Variants in MAPK15 observed in about 807,000 individuals in gnomAD.
MAPK15 encodes the protein ERK-7.
In MAPK15, 61 loss-of-function variants were observed where a neutral mutation model predicts 60.8. That is an observed-to-expected ratio of 1.00 (90% CI 0.82 to 1.24). The LOEUF (loss-of-function observed/expected upper bound fraction) is 1.24, where lower values mean the gene tolerates loss of function less well. Ranked by LOEUF, MAPK15 falls within the 50% of genes most tolerant of loss-of-function variation. MAPK15 has a pLI of 0.00. For synonymous variants in MAPK15, 356 were observed against 319.9 expected (o/e 1.11, Z -1.21); for missense variants, 808 against 741.1 (o/e 1.09, Z -1.05).
Position 143,719,009 on chromosome 8 carries a change from T to C in MAPK15, c.434T>C (p.Leu145Pro). The change falls in exon 6 of 14, where the codon CTG (leucine) becomes CCG (proline). Residue 145 changes from leucine to proline, a missense_variant. Coordinates refer to ENST00000338033, the MANE Select transcript of MAPK15 (RefSeq NM_139021.3). ...TCTCTGCAGCCGTCCAATGTGCTCC[T>C]GGATGCCAACTGCACAGTGAAGCTG... is the stretch of plus-strand genomic sequence containing the variant. The part of the protein sequence containing the change: ...HRDQKPSNVL[L>P]DANCTVKLCD... The C allele has an allele frequency of 6.2e-7, 1 of 1,607,756 alleles. No individual in the cohort carries two copies. The highest frequency in any genetic ancestry group is 8.5e-7 in the Non-Finnish European group (1 of 1,177,628).
In MAPK15 at chr8:143,718,765, C is replaced by T. The variant is rs1817914071; in HGVS notation, c.287-10C>T. ...CCCACCCCCGACTGCAGTGCGCACC[C>T]TCTCTGCAGACACTGACCTGAACGC... is the stretch of plus-strand genomic sequence containing the variant. On this transcript the variant is annotated splice_polypyrimidine_tract_variant and intron_variant, in intron 4 of 13. Transcript: ENST00000338033. 1 of 1,597,364 alleles carries T rather than the reference C, an allele frequency of 6.3e-7. No homozygotes were observed. Among genetic ancestry groups the T allele is most frequent in the African/African-American group, 1.4e-5 (1 of 74,028 alleles).
In MAPK15 at chr8:143,721,832, G is replaced by T. The variant is rs1554619993; in HGVS notation, c.1410G>T (p.Arg470=). 2 of 1,610,708 alleles carry T rather than the reference G, an allele frequency of 1.2e-6. No homozygotes were observed. Among genetic ancestry groups the T allele is most frequent in the East Asian group, 2.2e-5 (1 of 44,848 alleles). Residue 470 remains arginine, a synonymous_variant, in exon 13 of 14, where the codon CGG becomes CGT. Coordinates refer to ENST00000338033, the MANE Select transcript of MAPK15 (RefSeq NM_139021.3). ...AGGTGGCCAACCAGGCCCTGATCCG[G>T]GGTGACTGGAACCGGGGCGGTGGGG... ...AAQVANQALI[R]GDWNRGGGVR... is the part of the protein sequence containing the mutation.
chr8:143,717,699 T>C lies in MAPK15; in HGVS notation c.72T>C (p.Tyr24=). The change falls in exon 2 of 14, where the codon TAT becomes TAC. Residue 24 remains tyrosine (Y), a synonymous_variant. Coordinates refer to ENST00000338033, the MANE Select transcript of MAPK15 (RefSeq NM_139021.3). ...GTGACGGCACTCCTTCCCAGGCCTA[T>C]GGCATTGTGTGGAAGGCAGTGGACC... is the stretch of plus-strand genomic sequence containing the variant. ...LLRRQLGQGA[Y]GIVWKAVDRR... 1 of 1,606,256 alleles carries C rather than the reference T, an allele frequency of 6.2e-7. No individual in the cohort carries two copies. The highest frequency in any genetic ancestry group is 1.7e-5 in the Admixed American group (1 of 58,536).
intron 7 of MAPK15, among the ~76,000 whole-genome samples, chr8:143,719,918 G>A (rs1817979885): frequency 6.6e-6 from 1 of 152,052 alleles, no homozygotes; most frequent in African/African-American, 2.4e-5. Flanking sequence ...GCAAGAGGGA[G>A]CTGCACCGCC....
Position 143,718,979 on chromosome 8 carries a change from C to A in MAPK15, c.418-14C>A. 6.2e-7 allele frequency: 1 copy of A among 1,603,852 alleles called. No homozygotes were observed. ...CACCCAGCCCCGGGGCCTCAGCCTGCCTCCTCTCTGCAGCCGTCCAATGTG... is the reference window on the plus strand; with the variant it reads ...CACCCAGCCCCGGGGCCTCAGCCTGACTCCTCTCTGCAGCCGTCCAATGTG... On this transcript the variant is annotated splice_polypyrimidine_tract_variant and intron_variant, in intron 5 of 13. Transcript: ENST00000338033.
In MAPK15 at chr8:143,720,267, G is replaced by A; in HGVS notation, c.759G>A (p.Val253=). 1 of 1,589,540 alleles carries A rather than the reference G, an allele frequency of 6.3e-7. No individual in the cohort carries two copies. The highest frequency in any genetic ancestry group is 1.1e-5 in the South Asian group (1 of 87,042). The change falls in exon 8 of 14, where the codon GTG becomes GTA. Residue 253 remains valine, a synonymous_variant. Coordinates refer to ENST00000338033, the MANE Select transcript of MAPK15 (RefSeq NM_139021.3). The surrounding 1 kb of genome is among the most constrained non-coding windows in gnomAD (Gnocchi z 4.6). ...LALGSGCRAS[V]LHQLGSRPRQ... is the part of the protein sequence containing the mutation. ...TCGGCTCAGGCTGCCGTGCCTCTGT[G>A]CTGCACCAGCTGGGGTCCCGGTGAG...
chr8:143,721,437 C>T (rs782131881), intron 11 of MAPK15, 26 bp downstream of exon 11: 17 of 1,608,518 alleles, frequency 1.1e-5, no homozygotes, highest in East Asian at 2.2e-5. Context: ...TGGCCGCCCA[C>T]GCGGAGCACG....
At position 143,717,750 on chromosome 8, in the gene MAPK15, C is replaced by G; in HGVS notation, c.123C>G (p.Ile41Met). 1 of 1,612,420 alleles carries G rather than the reference C, an allele frequency of 6.2e-7. No individual in the cohort carries two copies. Among genetic ancestry groups the G allele is most frequent in the Non-Finnish European group, 8.5e-7 (1 of 1,179,512 alleles). ...GGAGGACTGGTGAGGTCGTGGCCAT[C>G]AAGAAAATCTTTGATGCTTTTAGGG... ...VDRRTGEVVA[I>M]KKIFDAFRDK... Residue 41 changes from isoleucine (I) to methionine (M), a missense_variant, in exon 2 of 14, where the codon ATC (isoleucine) becomes ATG (methionine). Ile to Met is a conservative substitution (Grantham distance 10). Transcript: ENST00000338033.
At chr8:143,716,549 C>G in intron 1 of MAPK15, 106 bp downstream of exon 1, 3 of 990,464 alleles carry the variant, frequency 3.0e-6, no homozygotes, top group Non-Finnish European at 4.3e-6. Context: ...CCGTCACACA[C>G]TGGCGTCCTG....
intron 13 of MAPK15, 82 bp downstream of exon 13, chr8:143,721,962 A>T: frequency 8.0e-7 from 1 of 1,250,890 alleles, no homozygotes; most frequent in Admixed American, 2.9e-5. Flanking sequence ...TCCCTTCCCC[A>T]TGCTTCCCAT....
In MAPK15 at chr8:143,718,832, G is replaced by C. The variant is rs782256408; in HGVS notation, c.344G>C (p.Arg115Pro). The C allele has an allele frequency of 4.7e-5, 75 of 1,612,136 alleles. 1 individual carries two copies. The East Asian group carries it at 1.3e-3, about 28-fold the overall frequency. Reference protein sequence around the residue: ...KGGLLQDVHVRSIFYQLLRAT... With the variant: ...KGGLLQDVHVPSIFYQLLRAT... ...GGCCTGCTGCAGGACGTCCACGTGCGCTCCATCTTCTACCAGCTCCTGCGG... is the reference window on the plus strand; with the variant it reads ...GGCCTGCTGCAGGACGTCCACGTGCCCTCCATCTTCTACCAGCTCCTGCGG... Residue 115 changes from arginine (R) to proline (P), a missense_variant, in exon 5 of 14, where the codon CGC (arginine) becomes CCC (proline). Transcript: ENST00000338033.
chr8:143,718,721 C>CGGGGGGG, intron 4 of MAPK15, 54 bp from the exon 5 acceptor site: 3 of 796,250 alleles, frequency 3.8e-6, no homozygotes, highest in Non-Finnish European at 4.0e-6. Context: ...CCACTCCCCC[C>CGGGGGGG]AGGTTGCCCC....
intron 4 of MAPK15, 172 bp from the exon 5 acceptor site, chr8:143,718,603 C>T (rs1817904331): frequency 7.7e-6 from 5 of 646,752 alleles, no homozygotes; most frequent in South Asian, 1.9e-5. Context: ...TGTTAAAACT[C>T]CTGCAGACCT....
At chr8:143,717,614 C>A (rs572025393) in intron 1 of MAPK15, 80 bp from the exon 2 acceptor site, 3 of 1,230,510 alleles carry the variant, frequency 2.4e-6, no homozygotes, top group East Asian at 5.0e-5. Context: ...GAAGGAGGAG[C>A]CTCATGTCTG....
chr8:143,721,336 C>G lies in MAPK15; in HGVS notation c.1129C>G (p.Leu377Val). 1 of 1,613,688 alleles carries G rather than the reference C, an allele frequency of 6.2e-7. No individual in the cohort carries two copies. The highest frequency in any genetic ancestry group is 8.5e-7 in the Non-Finnish European group (1 of 1,179,948). ...HLHKPRADPQ[L>V]PSRTPVQGPR... ...GCACAAACCCAGAGCCGACCCTCAG[C>G]TGCCTTCTAGGACACCTGTGCAGGG... Residue 377 changes from leucine (L) to valine (V), a missense_variant, in exon 11 of 14, where the codon CTG (leucine) becomes GTG (valine). Physicochemically the swap from Leu to Val is conservative, Grantham distance 32. Coordinates refer to ENST00000338033, the MANE Select transcript of MAPK15 (RefSeq NM_139021.3).
rs1448065970 is a variant in MAPK15 at position 143,720,044 on chromosome 8, C to T, written c.722-186C>T. On this transcript the variant is annotated intron_variant, in intron 7 of 13. Transcript: ENST00000338033. The surrounding 1 kb of genome is among the most constrained non-coding windows in gnomAD (Gnocchi z 4.6). ...CCGAGTGTGGAGCAGGGGTCATGTGCGGGTGCTCCCGTGCACAGGCTGGGT... is the reference window on the plus strand; with the variant it reads ...CCGAGTGTGGAGCAGGGGTCATGTGTGGGTGCTCCCGTGCACAGGCTGGGT... The T allele has an allele frequency of 1.5e-5, 12 of 785,266 alleles. No homozygotes were observed. Among genetic ancestry groups the T allele is most frequent in the Admixed American group, 1.0e-4 (4 of 38,704 alleles). The allele number at this position is 785,266 out of a possible 1,614,324, so 48.6% of individuals were successfully genotyped here. A position where few individuals can be genotyped will look rare whatever the true frequency, so the allele number is the denominator to read the frequency against.
Position 143,718,818 on chromosome 8 carries a change from G to A in MAPK15, c.330G>A (p.Gln110=), listed in dbSNP as rs782730810. The stretch of plus-strand genomic sequence containing the variant: ...TCATCCGGAAGGGCGGCCTGCTGCA[G>A]GACGTCCACGTGCGCTCCATCTTCT... The part of the protein sequence containing the change: ...NAVIRKGGLL[Q]DVHVRSIFYQ... The change falls in exon 5 of 14, where the codon CAG becomes CAA. Residue 110 remains glutamine, a synonymous_variant. Transcript: ENST00000338033. 1 of 1,611,500 alleles carries A rather than the reference G, an allele frequency of 6.2e-7. No homozygotes were observed. The highest frequency in any genetic ancestry group is 8.5e-7 in the Non-Finnish European group (1 of 1,179,650).
rs140965473 is a variant in MAPK15 at position 143,719,397 on chromosome 8, G to C, written c.636G>C (p.Leu212=). ...TGGGCTGTATCCTGGGGGAGATGCT[G>C]CGGGGGAGACCCCTGTTCCCCGGCA... is the stretch of plus-strand genomic sequence containing the variant. ...WSLGCILGEM[L]RGRPLFPGTS... is the part of the protein sequence containing the mutation. Residue 212 remains leucine, a synonymous_variant, in exon 7 of 14, where the codon CTG becomes CTC. Coordinates refer to ENST00000338033, the MANE Select transcript of MAPK15 (RefSeq NM_139021.3). 1,640 of 1,611,562 alleles carry C rather than the reference G, an allele frequency of 1.0e-3. 16 individuals carry two copies. In the African/African-American group the frequency reaches 0.019, roughly 19 times the overall value.
rs959193009 is a variant in MAPK15, at chr8:143,722,201, T to A, written c.1585T>A (p.Cys529Ser). 3.1e-6 allele frequency: 5 copies of A among 1,607,574 alleles called. No homozygotes were observed. The African/African-American group carries it at 6.7e-5, about 21-fold the overall frequency. Reference protein sequence around the residue: ...GGYSQAYGTVCHSALGHLPLL... With the variant: ...GGYSQAYGTVSHSALGHLPLL... Reference sequence around the variant, plus strand: ...CTACTCCCAAGCCTACGGGACTGTCTGCCACTCGGCACTGGGCCACCTGCC... The same window carrying A: ...CTACTCCCAAGCCTACGGGACTGTCAGCCACTCGGCACTGGGCCACCTGCC... Residue 529 changes from cysteine to serine, a missense_variant, in exon 14 of 14, where the codon TGC becomes AGC. Coordinates refer to ENST00000338033, the MANE Select transcript of MAPK15 (RefSeq NM_139021.3).
Sources: allele counts gnomAD v4.1 joint callset (sites outside exome capture counted in the v4.1 genomes callset), GRCh38; gene constraint gnomAD v4.1.1; non-coding constraint Gnocchi (gnomAD v3.1); transcripts MANE v1.5; gene names NCBI Gene and HGNC (gene_info 2026-07-23, HGNC 2026-07-21).